ACIN1: variants seen among roughly 807,000 people sequenced by gnomAD.
ACIN1 encodes apoptotic chromatin condensation inducer 1.
A neutral mutation model predicts 146.6 loss-of-function variants in ACIN1; 16 were observed. The observed-to-expected ratio is 0.11, with a 90% confidence interval of 0.07 to 0.17. The LOEUF (loss-of-function observed/expected upper bound fraction) is 0.17, where lower values mean the gene tolerates loss of function less well. ACIN1 is among the 10% of genes least tolerant of loss of function. The pLI is 1.00. For missense variants in ACIN1, 1,357 were observed against 1,609.3 expected (o/e 0.84, Z 2.68); for synonymous variants, 569 against 582.7 (o/e 0.98, Z 0.34).
chr14:23,069,724 T>C (rs551758580), intron 8 of ACIN1, 107 bp from the exon 9 acceptor site: 3 of 1,055,780 alleles, frequency 2.8e-6, no homozygotes, highest in Admixed American at 2.4e-5. Context: ...GCCTCATCAC[T>C]TGGGTGGGAT....
chr14:23,075,832 G>C (rs2047788205), intron 8 of ACIN1, among the ~76,000 whole-genome samples: 1 of 151,990 alleles, frequency 6.6e-6, no homozygotes, highest in Non-Finnish European at 1.5e-5. Flanking sequence ...AGCCTCCTGA[G>C]TAACTGGGAT....
chr14:23,082,419 T>C (rs749663891), intron 4 of ACIN1, among the ~76,000 whole-genome samples: 15 of 151,690 alleles, frequency 9.9e-5, no homozygotes, highest in Non-Finnish European at 2.2e-4. Flanking sequence ...TATTAGGTTT[T>C]ATGTATTAGA....
At chr14:23,069,652 G>GGGGGC in intron 8 of ACIN1, 35 bp from the exon 9 acceptor site, 10 of 577,914 alleles carry the variant, frequency 1.7e-5, no homozygotes, top group African/African-American at 3.9e-5. Context: ...GGGGGGGCGG[G>GGGGGC]CAGAAAAGAA....
At chr14:23,060,363 T>C (rs2047237512) in intron 18 of ACIN1, among the ~76,000 whole-genome samples, 1 of 152,184 alleles carries the variant, frequency 6.6e-6, no homozygotes, top group African/African-American at 2.4e-5. Flanking sequence ...AGCGTAGATG[T>C]GAACAAATCT....
At chr14:23,066,316 T>C (rs2047456063) in intron 9 of ACIN1, 1 of 239,714 alleles carries the variant, frequency 4.2e-6, no homozygotes. Flanking sequence ...AGGAGTTCAG[T>C]AGCCTCTCAG....
chr14:23,081,860 T>G, intron 4 of ACIN1, 24 bp from the exon 5 acceptor site: 1 of 1,585,650 alleles, frequency 6.3e-7, no homozygotes, highest in Non-Finnish European at 8.6e-7. Context: ...AAGAATCAAG[T>G]CAGATTCATG....
Position 23,064,497 on chromosome 14 carries a change from A to G in ACIN1, c.2309-9T>C. ...CACCCCCTTGGTAGCTGCTGTCCCCAAGAAATAGACCCAACAGTTAGATGG... is the reference window on the plus strand; with the variant it reads ...CACCCCCTTGGTAGCTGCTGTCCCCGAGAAATAGACCCAACAGTTAGATGG... On this transcript the variant is annotated splice_polypyrimidine_tract_variant and intron_variant, in intron 10 of 18. Coordinates refer to ENST00000605057, the MANE Select transcript of ACIN1 (RefSeq NM_001386863.1). 3 of 1,613,824 alleles carry G rather than the reference A, an allele frequency of 1.9e-6. No homozygotes were observed. Among genetic ancestry groups the G allele is most frequent in the Non-Finnish European group, 2.5e-6 (3 of 1,179,840 alleles).
intron 2 of ACIN1, among the ~76,000 whole-genome samples, chr14:23,092,748 A>C (rs1020098994): frequency 6.6e-6 from 1 of 152,224 alleles, no homozygotes; most frequent in African/African-American, 2.4e-5. Flanking sequence ...TAATTTAAAA[A>C]TTTTATGCAG....
chr14:23,062,918 C>T lies in ACIN1; in HGVS notation c.2883+11G>A. Reference sequence around the variant, plus strand: ...CTAAGCAAGCTGGGATGGTGAGAAACAATGACTTACCAAATTGGAGATATG... The same window carrying T: ...CTAAGCAAGCTGGGATGGTGAGAAATAATGACTTACCAAATTGGAGATATG... On this transcript the variant is annotated intron_variant, in intron 14 of 18. Coordinates refer to ENST00000605057, the MANE Select transcript of ACIN1 (RefSeq NM_001386863.1). 1 of 1,598,852 alleles carries T rather than the reference C, an allele frequency of 6.3e-7. No individual in the cohort carries two copies. The highest frequency in any genetic ancestry group is 8.5e-7 in the Non-Finnish European group (1 of 1,173,156).
chr14:23,079,742 A>G lies in ACIN1; in HGVS notation c.1593T>C (p.Ser531=). ...SRSSSSSSSS[S]RSRSRSPDSS... ...TGTCAGGAGAGCGAGATCTTGATCTAGAACTGGAGGAGGAAGATGAGGAGG... is the reference window on the plus strand; with the variant it reads ...TGTCAGGAGAGCGAGATCTTGATCTGGAACTGGAGGAGGAAGATGAGGAGG... The change falls in exon 6 of 19, where the codon TCT becomes TCC. Residue 531 remains serine, a synonymous_variant. Transcript: ENST00000605057. The G allele has an allele frequency of 6.2e-7, 1 of 1,614,168 alleles. No homozygotes were observed. Among genetic ancestry groups the G allele is most frequent in the Non-Finnish European group, 8.5e-7 (1 of 1,180,020 alleles).
intron 2 of ACIN1, 134 bp downstream of exon 2, chr14:23,093,345 T>G (rs1266414940): frequency 1.1e-6 from 1 of 883,800 alleles, no homozygotes; most frequent in East Asian, 2.6e-5. Flanking sequence ...CTGTCCTGGT[T>G]TGAGAACATT....
chr14:23,083,085 A>G (rs1011609548), intron 4 of ACIN1, among the ~76,000 whole-genome samples: 1 of 152,016 alleles, frequency 6.6e-6, no homozygotes, highest in Non-Finnish European at 1.5e-5. Context: ...GTTCTATTAA[A>G]AAGCTTGGAA....
rs142409051 is a variant in ACIN1, at chr14:23,079,755, G to A, written c.1580C>T (p.Ser527Phe). ...AGATCTTGATCTAGAACTGGAGGAG[G>A]AAGATGAGGAGGACCGGCTAGAGGA... ...DSSSSRSSSS[S>F]SSSSRSRSRS... The change falls in exon 6 of 19, where the codon TCC becomes TTC. Residue 527 changes from serine to phenylalanine, a missense_variant. By Grantham distance (155) the Ser-to-Phe change is radical. Around this residue, in one of 4 missense-constraint regions of ACIN1, gnomAD observed 771 missense variants for 746.6 expected, o/e 1.03. Transcript: ENST00000605057. 2 of 1,614,190 alleles carry A rather than the reference G, an allele frequency of 1.2e-6. No individual in the cohort carries two copies. The highest frequency in any genetic ancestry group is 1.3e-5 in the African/African-American group (1 of 75,038).
chr14:23,061,540 G>T lies in ACIN1; in HGVS notation c.3182C>A (p.Pro1061His). The change falls in exon 17 of 19, where the codon CCC becomes CAC. Residue 1061 changes from proline (P) to histidine (H), a missense_variant. By Grantham distance (77) the Pro-to-His change is moderately conservative (BLOSUM62 -2). Coordinates refer to ENST00000605057, the MANE Select transcript of ACIN1 (RefSeq NM_001386863.1). ...TGGCTGGACCGGGGGTGGGGGTGGG[G>T]GGTGCAGGGGCCGTGGTATTCCCTG... ...EEQGIPRPLH[P>H]PPPPPVQPPQ... 1 of 1,591,692 alleles carries T rather than the reference G, an allele frequency of 6.3e-7. No homozygotes were observed. The highest frequency in any genetic ancestry group is 1.1e-5 in the South Asian group (1 of 88,690).
rs1256297369 is a variant in ACIN1, at chr14:23,063,227, C to G, written c.2738-153G>C. 1.4e-5 allele frequency: 16 copies of G among 1,106,978 alleles called. No homozygotes were observed. In the East Asian group the frequency reaches 4.0e-4, roughly 28 times the overall value. The allele number at this position is 1,106,978 out of a possible 1,614,324, so 68.6% of individuals were successfully genotyped here. A position where few individuals can be genotyped will look rare whatever the true frequency, so the allele number is the denominator to read the frequency against. ...CACCTATAATCTGCAAAGTACTGTG[C>G]TAGGCTAACCTCCTCATCATGGAGA... On this transcript the variant is annotated intron_variant, in intron 13 of 18. Transcript: ENST00000605057.
intron 5 of ACIN1, 109 bp from the exon 6 acceptor site, chr14:23,080,918 A>C: frequency 1.3e-6 from 2 of 1,486,550 alleles, no homozygotes; most frequent in Non-Finnish European, 1.8e-6. Context: ...AATGATATAT[A>C]CTTTCAGCAA....
rs2047522513 is a variant in ACIN1 at position 23,068,380 on chromosome 14, G to A, written c.2265+1096C>T. 3.0e-6 allele frequency: 3 copies of A among 985,850 alleles called. No homozygotes were observed. The highest frequency in any genetic ancestry group is 9.4e-5 in the South Asian group (2 of 21,300). The allele number at this position is 985,850 out of a possible 1,614,324, so 61.1% of individuals were successfully genotyped here. A position where few individuals can be genotyped will look rare whatever the true frequency, so the allele number is the denominator to read the frequency against. ...AGCTCTTCTTGGGGTGTCCCAAGTA[G>A]GGAGATGATGCAAGTCCACCCCTTT... On this transcript the variant is annotated intron_variant, in intron 9 of 18. Coordinates refer to ENST00000605057, the MANE Select transcript of ACIN1 (RefSeq NM_001386863.1). The surrounding 1 kb of genome is among the most constrained non-coding windows in gnomAD (Gnocchi z 4.3).
chr14:23,059,369 G>A lies in ACIN1; in HGVS notation c.3631C>T (p.Arg1211Trp), dbSNP rs1040074597. ...EQKEREKEAE[R>W]ERNRQLEREK... The stretch of plus-strand genomic sequence containing the variant: ...CGCTCCAGCTGTCGGTTCCGTTCCC[G>A]CTCGGCTTCCTTCTCCCGCTCCTTT... Residue 1211 changes from arginine (R) to tryptophan (W), a missense_variant, in exon 19 of 19, where the codon CGG becomes TGG. Physicochemically the swap from Arg to Trp is moderately radical, Grantham distance 101. This residue lies in a region of ACIN1 where 509 missense variants were observed against 719.6 expected (regional missense o/e 0.71). Coordinates refer to ENST00000605057, the MANE Select transcript of ACIN1 (RefSeq NM_001386863.1). The A allele has an allele frequency of 6.2e-7, 1 of 1,612,838 alleles. No homozygotes were observed. The highest frequency in any genetic ancestry group is 8.5e-7 in the Non-Finnish European group (1 of 1,179,168).
intron 4 of ACIN1, among the ~76,000 whole-genome samples, chr14:23,086,939 A>T (rs950355617): frequency 1.1e-4 from 16 of 152,212 alleles, no homozygotes; most frequent in African/African-American, 3.1e-4. Flanking sequence ...GGGACTTTTT[A>T]AAAAATGTAG....
Sources: allele counts gnomAD v4.1 joint callset (sites outside exome capture counted in the v4.1 genomes callset), GRCh38; gene constraint gnomAD v4.1.1; regional missense constraint gnomAD v4.1.1; non-coding constraint Gnocchi (gnomAD v3.1); transcripts MANE v1.5; gene names NCBI Gene and HGNC (gene_info 2026-07-23, HGNC 2026-07-21).